The following SPTBN5 variants were observed in gnomAD, a reference collection of about 807,000 sequenced individuals.
The protein encoded by SPTBN5 is spectrin beta, non-erythrocytic 5, also known as spectrin beta chain, non-erythrocytic 5.
A neutral mutation model predicts 477.6 loss-of-function variants in SPTBN5; 513 were observed. The ratio of observed to expected loss-of-function variants is 1.07; its 90% CI spans 1.00 to 1.16. The LOEUF is 1.16. Among genes scored for constraint, SPTBN5 ranks in the 50% most tolerant of loss-of-function variants. SPTBN5 has a pLI of 0.00. For missense variants in SPTBN5, 5,062 were observed against 4,731.8 expected, an observed-to-expected ratio of 1.07 and a Z score of -2.05; for synonymous variants, 2,169 against 2,011.7, an observed-to-expected ratio of 1.08 and a Z score of -2.09.
intron 27 of SPTBN5, 91 bp from the exon 28 acceptor site, chr15:41,872,008 G>T: frequency 7.1e-7 from 1 of 1,417,444 alleles, no homozygotes. Context: ...CTGAAAACTG[G>T]GGTTACTCAT....
At position 41,886,297 on chromosome 15, in the gene SPTBN5, G is replaced by A. The variant is rs140345855; in HGVS notation, c.958C>T (p.Arg320Cys). The change falls in exon 7 of 68, where the codon CGC becomes TGC. Residue 320 changes from arginine (R) to cysteine (C), a missense_variant. Transcript: ENST00000320955. ...TGCATCTGCTTCTCTGCAATCCAGC[G>A]TAGAAGGTCAGCCACCAGCTGCTCG... Reference protein sequence around the residue: ...QYEQLVADLLRWIAEKQMQLE... With the variant: ...QYEQLVADLLCWIAEKQMQLE... 2.7e-5 allele frequency: 43 copies of A among 1,613,248 alleles called. No individual in the cohort carries two copies. Among genetic ancestry groups the A allele is most frequent in the African/African-American group, 2.3e-4 (17 of 75,066 alleles).
intron 62 of SPTBN5, 41 bp from the exon 63 acceptor site, chr15:41,851,891 A>G: frequency 6.5e-7 from 1 of 1,541,948 alleles, no homozygotes; most frequent in Non-Finnish European, 8.9e-7. Flanking sequence ...CAGGACCAGC[A>G]CCCTCAGGAA....
At position 41,868,405 on chromosome 15, in the gene SPTBN5, G is replaced by A. The variant is rs2066412669; in HGVS notation, c.6050C>T (p.Thr2017Ile). 6.2e-7 allele frequency: 1 copy of A among 1,602,122 alleles called. No individual in the cohort carries two copies. The highest frequency in any genetic ancestry group is 8.5e-7 in the Non-Finnish European group (1 of 1,173,236). Residue 2017 changes from threonine to isoleucine, a missense_variant, in exon 33 of 68, where the codon ACC (threonine) becomes ATC (isoleucine). By Grantham distance (89) the Thr-to-Ile change is moderately conservative. Transcript: ENST00000320955. ...QQALLAAGTP[T>I]KEVQEELRAL... The stretch of plus-strand genomic sequence containing the variant: ...CCAGGGGAGGGGGCCCACCTCCTTG[G>A]TGGGTGTCCCTGCAGCAAGAAGTGC...
chr15:41,852,465 C>T (rs2065797782), intron 61 of SPTBN5, 149 bp from the exon 62 acceptor site: 5 of 1,354,608 alleles, frequency 3.7e-6, no homozygotes, highest in Non-Finnish European at 5.1e-6. Flanking sequence ...GCTCTGGAGG[C>T]TCACACCCAG....
intron 5 of SPTBN5, 70 bp from the exon 6 acceptor site, chr15:41,887,511 T>G: frequency 4.2e-6 from 5 of 1,188,544 alleles, no homozygotes; most frequent in South Asian, 1.3e-5. Context: ...GATTCTTAAA[T>G]GCACTCATGC....
chr15:41,881,401 G>A (rs752580620), intron 12 of SPTBN5, among the ~76,000 whole-genome samples, 167 bp from the exon 13 acceptor site: 1 of 152,226 alleles, frequency 6.6e-6, no homozygotes, highest in African/African-American at 2.4e-5. Flanking sequence ...GGGGCTGAGG[G>A]TCGAGGGGCC....
rs746611853 is a variant in SPTBN5 at position 41,872,341 on chromosome 15, C to G, written c.5126G>C (p.Arg1709Pro). 2 of 1,611,196 alleles carry G rather than the reference C, an allele frequency of 1.2e-6. No homozygotes were observed. The highest frequency in any genetic ancestry group is 1.7e-6 in the Non-Finnish European group (2 of 1,179,708). Residue 1709 changes from arginine (R) to proline (P), a missense_variant, in exon 27 of 68, where the codon CGG becomes CCG. Transcript: ENST00000320955. ...CTCCTGCAGTGCCCGCAGCTGCTCC[C>G]GGAGCCTCTCCTGCACCACACGCTG... ...EQQRVVQERL[R>P]EQLRALQELA...
At chr15:41,893,173 C>G (rs2067367196) in intron 2 of SPTBN5, 109 bp downstream of exon 2, 2 of 1,572,666 alleles carry the variant, frequency 1.3e-6, no homozygotes, top group South Asian at 2.3e-5. Flanking sequence ...GGAGCTCTGG[C>G]CTCAGCTTGG....
chr15:41,882,708 C>T lies in SPTBN5; in HGVS notation c.1923G>A (p.Arg641=), dbSNP rs1264051878. ...RRALLEQTLQ[R]AEFLRNCEEE... ...CCTCACAGTTGCGCAGGAACTCTGC[C>T]CGCTGCAGGGTCTGCTCCAGCAGGG... The change falls in exon 10 of 68, where the codon CGG becomes CGA. Residue 641 remains arginine (R), a synonymous_variant. Coordinates refer to ENST00000320955, the MANE Select transcript of SPTBN5 (RefSeq NM_016642.4). The T allele has an allele frequency of 6.2e-7, 1 of 1,609,978 alleles. No homozygotes were observed. Among genetic ancestry groups the T allele is most frequent in the Non-Finnish European group, 8.5e-7 (1 of 1,178,518 alleles).
At chr15:41,875,084 G>A (rs1333278697) in intron 22 of SPTBN5, 28 bp from the exon 23 acceptor site, 2 of 1,584,368 alleles carry the variant, frequency 1.3e-6, no homozygotes, top group African/African-American at 1.3e-5. Flanking sequence ...AGCTGCATTA[G>A]GTTCTCTGTG....
intron 4 of SPTBN5, among the ~76,000 whole-genome samples, chr15:41,888,310 G>A (rs1390210152): frequency 6.6e-6 from 1 of 152,280 alleles, no homozygotes; most frequent in African/African-American, 2.4e-5. Context: ...AGTGGAGCAA[G>A]GGAAAAGCCG....
chr15:41,888,609 C>T (rs946154802), intron 4 of SPTBN5, among the ~76,000 whole-genome samples: 31 of 152,214 alleles, frequency 2.0e-4, no homozygotes, highest in Non-Finnish European at 3.8e-4. Flanking sequence ...TACATGGAGG[C>T]ACCACTATGC....
intron 61 of SPTBN5, 123 bp from the exon 62 acceptor site, chr15:41,852,439 A>AG: frequency 8.7e-6 from 12 of 1,380,180 alleles, no homozygotes; most frequent in Admixed American, 4.4e-5. Flanking sequence ...CCCCATCACT[A>AG]GCTCTTTCAG....
chr15:41,852,730 T>G lies in SPTBN5; in HGVS notation c.10353A>C (p.Ser3451=), dbSNP rs1365234809. 6.2e-7 allele frequency: 1 copy of G among 1,610,200 alleles called. No homozygotes were observed. The highest frequency in any genetic ancestry group is 8.5e-7 in the Non-Finnish European group (1 of 1,178,692). The stretch of plus-strand genomic sequence containing the variant: ...GCAGCAGCAACTCCACATCTGACAC[T>G]GAGTGCTGGGGAGAAGCATGTTCAG... ...GLLLKPDYGH[S]VSDVELLLHR... Residue 3451 remains serine (S), a synonymous_variant, in exon 61 of 68, where the codon TCA becomes TCC. Transcript: ENST00000320955.
At chr15:41,851,173 G>A (rs1181549592) in intron 64 of SPTBN5, 23 bp from the exon 65 acceptor site, 1 of 1,607,026 alleles carries the variant, frequency 6.2e-7, no homozygotes, top group Non-Finnish European at 8.5e-7. Context: ...GAGAGGCAGG[G>A]GTCACTGCGG....
chr15:41,849,831 G>T, intron 67 of SPTBN5, 38 bp downstream of exon 67: 2 of 1,517,070 alleles, frequency 1.3e-6, no homozygotes, highest in South Asian at 1.2e-5. Context: ...CTGAAGCCCA[G>T]GGCTCCCCGC....
chr15:41,871,964 C>A, intron 27 of SPTBN5, 47 bp from the exon 28 acceptor site: 1 of 1,481,680 alleles, frequency 6.7e-7, no homozygotes, highest in South Asian at 1.4e-5. Flanking sequence ...GCCCACCCCC[C>A]TGGGGGCCAG....
In SPTBN5 at chr15:41,875,068, G is replaced by A. The variant is rs999017941; in HGVS notation, c.4288-12C>T. ...TGCTCCTTTGCATCCTGGGAGGGAC[G>A]CATGGAGCTGCATTAGGTTCTCTGT... On this transcript the variant is annotated splice_polypyrimidine_tract_variant and intron_variant, in intron 22 of 67. Transcript: ENST00000320955. 6.9e-6 allele frequency: 11 copies of A among 1,599,402 alleles called. No individual in the cohort carries two copies. Among genetic ancestry groups the A allele is most frequent in the South Asian group, 2.2e-5 (2 of 89,314 alleles).
intron 62 of SPTBN5, 138 bp downstream of exon 62, chr15:41,852,044 C>A: frequency 9.0e-7 from 1 of 1,115,838 alleles, no homozygotes; most frequent in Non-Finnish European, 1.3e-6. Context: ...ATCTTTATTC[C>A]TAATGACCTT....
Sources: gnomAD v4.1 joint callset for allele counts (sites outside exome capture counted in the v4.1 genomes callset) on GRCh38, gnomAD v4.1.1 for gene constraint, MANE v1.5 for transcripts, NCBI Gene and HGNC (gene_info 2026-07-23, HGNC 2026-07-21) for gene names.